The following DTX1 variants were observed in gnomAD, a reference collection of about 807,000 sequenced individuals.
DTX1 encodes E3 ubiquitin-protein ligase DTX1.
A neutral mutation model predicts 57.8 loss-of-function variants in DTX1; 26 were observed. The ratio of observed to expected loss-of-function variants is 0.45; its 90% CI spans 0.33 to 0.62. The LOEUF is 0.62. Ranked by LOEUF, DTX1 falls within the 20% of genes least tolerant of loss-of-function variation. The pLI, the probability that DTX1 is intolerant of heterozygous loss-of-function variation, is 0.02. For synonymous variants in DTX1, 398 were observed against 394.1 expected (o/e 1.01, Z -0.12); for missense variants, 704 against 895.3 (o/e 0.79, Z 2.73).
intron 3 of DTX1, among the ~76,000 whole-genome samples, chr12:113,085,246 C>T (rs879508362): frequency 6.6e-6 from 1 of 152,152 alleles, no homozygotes; most frequent in Non-Finnish European, 1.5e-5. Flanking sequence ...GGTGGGGTTT[C>T]ACCATGTTTG....
chr12:113,097,054 GC>G lies in DTX1; in HGVS notation c.*117del. ...GGCTGGGGAGGAGCCTGCGGAAGGG[GC>G]CGCAGCCATTCAGGGGACCTGCCTG... On this transcript the variant is annotated 3_prime_UTR_variant, in exon 10 of 10. Transcript: ENST00000548759. The G allele has an allele frequency of 8.3e-7, 1 of 1,202,526 alleles. No individual in the cohort carries two copies. The allele number at this position is 1,202,526 out of a possible 1,614,324, so 74.5% of individuals were successfully genotyped here.
At chr12:113,063,093 T>A in intron 2 of DTX1, among the ~76,000 whole-genome samples, 1 of 152,058 alleles carries the variant, frequency 6.6e-6, no homozygotes, top group Admixed American at 6.5e-5. Context: ...AAGTGCCCGG[T>A]TTCCCTCAAA....
At chr12:113,096,538 G>C (rs903315888) in intron 9 of DTX1, among the ~76,000 whole-genome samples, 177 bp from the exon 10 acceptor site, 3 of 152,034 alleles carry the variant, frequency 2.0e-5, no homozygotes, top group Non-Finnish European at 4.4e-5. Flanking sequence ...GCTTTTACTG[G>C]AAGTTCAGGA....
In DTX1 at chr12:113,093,606, C is replaced by T. The variant is rs759677695; in HGVS notation, c.1071C>T (p.Ile357=). Residue 357 remains isoleucine (I), a synonymous_variant, in exon 5 of 10, where the codon ATC becomes ATT. Transcript: ENST00000548759. The surrounding 1 kb of genome is among the most constrained non-coding windows in gnomAD (Gnocchi z 4.2). ...PVCLTRAPKP[I]LHPPPVSKSD... is the part of the protein sequence containing the mutation. Reference sequence around the variant, plus strand: ...GCCTGACGCGGGCCCCCAAGCCCATCCTGCACCCGCCGCCCGTGAGCAAGA... The same window carrying T: ...GCCTGACGCGGGCCCCCAAGCCCATTCTGCACCCGCCGCCCGTGAGCAAGA... 6.2e-7 allele frequency: 1 copy of T among 1,612,748 alleles called. No homozygotes were observed. Among genetic ancestry groups the T allele is most frequent in the Non-Finnish European group, 8.5e-7 (1 of 1,179,598 alleles).
Position 113,094,920 on chromosome 12 carries a change from C to A in DTX1, c.1359C>A (p.Leu453=). The change falls in exon 7 of 10, where the codon CTC becomes CTA. Residue 453 remains leucine, a synonymous_variant. Transcript: ENST00000548759. ...GCCACATGTACCACCTGCTGTGCCT[C>A]GTGGCCATGTACTCCAATGGCAACA... ...RCGHMYHLLC[L]VAMYSNGNKD... 1 of 1,613,606 alleles carries A rather than the reference C, an allele frequency of 6.2e-7. No homozygotes were observed. Among genetic ancestry groups the A allele is most frequent in the South Asian group, 1.1e-5 (1 of 91,058 alleles).
At position 113,079,870 on chromosome 12, in the gene DTX1, C is replaced by A. The variant is rs540017522; in HGVS notation, c.941+1765C>A. On this transcript the variant is annotated intron_variant, in intron 3 of 9. Coordinates refer to ENST00000548759, the MANE Select transcript of DTX1 (RefSeq NM_004416.3). ...CACCATGCCCGGCCCCCTTCTTGAC[C>A]ACTTCTGAGCTGGGAGACCTGGGAC... is the stretch of plus-strand genomic sequence containing the variant. 7.9e-5 allele frequency among the ~76,000 whole-genome samples: 12 copies of A among 152,200 alleles called. No individual in the cohort carries two copies. In the East Asian group the frequency reaches 2.1e-3, roughly 27 times the overall value.
At chr12:113,074,565 C>T (rs1181465241) in intron 2 of DTX1, among the ~76,000 whole-genome samples, 1 of 152,204 alleles carries the variant, frequency 6.6e-6, no homozygotes, top group East Asian at 1.9e-4. Context: ...TAGGTCATGG[C>T]AAGGACTTTG....
chr12:113,059,439 G>T (rs569162939), intron 2 of DTX1, among the ~76,000 whole-genome samples: 1 of 152,230 alleles, frequency 6.6e-6, no homozygotes, highest in East Asian at 1.9e-4. Flanking sequence ...TAATGATGGT[G>T]ATGTTGATGG....
intron 2 of DTX1, among the ~76,000 whole-genome samples, chr12:113,065,629 G>A (rs914101886): frequency 2.6e-5 from 4 of 152,232 alleles, no homozygotes; most frequent in Non-Finnish European, 5.9e-5. Context: ...GGAGATGGAA[G>A]CTGTGATGGG....
In DTX1 at chr12:113,095,093, G is replaced by T. The variant is rs1950278223; in HGVS notation, c.1438G>T (p.Gly480Cys). Reference sequence around the variant, plus strand: ...CAAGGCCATCTACGGGGAGAAGACGGGTACGCAGCCGCCTGGGAAGATGGA... The same window carrying T: ...CAAGGCCATCTACGGGGAGAAGACGTGTACGCAGCCGCCTGGGAAGATGGA... ...TCKAIYGEKT[G>C]TQPPGKMEFH... The change falls in exon 8 of 10, where the codon GGT becomes TGT. Residue 480 changes from glycine (G) to cysteine (C), a missense_variant. By Grantham distance (159) the Gly-to-Cys change is radical. Transcript: ENST00000548759. The T allele has an allele frequency of 6.2e-7, 1 of 1,613,696 alleles. No individual in the cohort carries two copies. The highest frequency in any genetic ancestry group is 8.5e-7 in the Non-Finnish European group (1 of 1,179,768).
At chr12:113,075,077 C>T (rs1315411235) in intron 2 of DTX1, among the ~76,000 whole-genome samples, 3 of 152,148 alleles carry the variant, frequency 2.0e-5, no homozygotes, top group Non-Finnish European at 4.4e-5. Flanking sequence ...AGAGTAGACA[C>T]GGTATTTATC....
At chr12:113,078,176 GC>G in intron 3 of DTX1, 71 bp downstream of exon 3, 1 of 1,155,930 alleles carries the variant, frequency 8.7e-7, no homozygotes, top group South Asian at 2.4e-5. Flanking sequence ...GGGGTGGTTG[GC>G]CACTAGGGCA....
chr12:113,061,192 CCT>C (rs1448352384), intron 2 of DTX1, among the ~76,000 whole-genome samples: 9 of 152,258 alleles, frequency 5.9e-5, no homozygotes, highest in Admixed American at 2.6e-4. Flanking sequence ...ACACCTGCCC[CCT>C]GTTTGCCGGA....
Position 113,077,652 on chromosome 12 carries a change from C to A in DTX1, c.488C>A (p.Thr163Lys). ...AGCATGTCGCAGATGAACCGCCAGA[C>A]GCGCCGGCGCCGCCGCCTGCGCCGC... ...FNSMSQMNRQ[T>K]RRRRRLRRRL... The change falls in exon 3 of 10, where the codon ACG becomes AAG. Residue 163 changes from threonine to lysine, a missense_variant. Physicochemically the swap from Thr to Lys is moderately conservative, Grantham distance 78. This residue lies in a region of DTX1 where 237 missense variants were observed against 328.6 expected (regional missense o/e 0.72). Coordinates refer to ENST00000548759, the MANE Select transcript of DTX1 (RefSeq NM_004416.3). The surrounding 1 kb of genome is among the most constrained non-coding windows in gnomAD (Gnocchi z 7.8). 6.3e-7 allele frequency: 1 copy of A among 1,592,656 alleles called. No homozygotes were observed. Among genetic ancestry groups the A allele is most frequent in the Non-Finnish European group, 8.5e-7 (1 of 1,172,196 alleles).
chr12:113,058,491 C>A (rs2044646146), intron 2 of DTX1, 40 bp downstream of exon 2: 1 of 1,564,332 alleles, frequency 6.4e-7, no homozygotes. Context: ...CCCCGCCGAG[C>A]CATCACTACC....
chr12:113,063,577 T>TA (rs2044680798), intron 2 of DTX1, among the ~76,000 whole-genome samples: 1 of 152,212 alleles, frequency 6.6e-6, no homozygotes, highest in East Asian at 1.9e-4. Flanking sequence ...GCTGATGGGA[T>TA]AGCTGAGGCC....
chr12:113,057,710 C>G lies in DTX1; in HGVS notation c.-483C>G, dbSNP rs1347716206. ...GGGAGGCGAGAAGCCCCACTGAAGCCGGGCGCAGGGTCTGGGACGCAGTTG... is the reference window on the plus strand; with the variant it reads ...GGGAGGCGAGAAGCCCCACTGAAGCGGGGCGCAGGGTCTGGGACGCAGTTG... On this transcript the variant is annotated 5_prime_UTR_variant, in exon 2 of 10. Coordinates refer to ENST00000548759, the MANE Select transcript of DTX1 (RefSeq NM_004416.3). The G allele has an allele frequency of 6.4e-6, 1 of 157,234 alleles. No individual in the cohort carries two copies. Among genetic ancestry groups the G allele is most frequent in the African/African-American group, 2.4e-5 (1 of 41,526 alleles). The allele number at this position is 157,234 out of a possible 1,614,324, so 9.7% of individuals were successfully genotyped here. A position where few individuals can be genotyped will look rare whatever the true frequency, so the allele number is the denominator to read the frequency against.
rs2044785476 is a variant in DTX1 at position 113,077,954 on chromosome 12, G to C, written c.790G>C (p.Ala264Pro). The C allele has an allele frequency of 3.0e-6, 3 of 1,013,340 alleles. No individual in the cohort carries two copies. The highest frequency in any genetic ancestry group is 3.5e-6 in the Non-Finnish European group (3 of 850,154). The allele number at this position is 1,013,340 out of a possible 1,614,324, so 62.8% of individuals were successfully genotyped here. A position where few individuals can be genotyped will look rare whatever the true frequency, so the allele number is the denominator to read the frequency against. Residue 264 changes from alanine (A) to proline (P), a missense_variant, in exon 3 of 10, where the codon GCC becomes CCC. Physicochemically the swap from Ala to Pro is conservative, Grantham distance 27. Around this residue, in one of 3 missense-constraint regions of DTX1, gnomAD observed 299 missense variants for 311.2 expected, o/e 0.96. Transcript: ENST00000548759. The surrounding 1 kb of genome is among the most constrained non-coding windows in gnomAD (Gnocchi z 7.8). ...CGCCGCGCTCTGGGCAGCGCCCGCC[G>C]CCGGCCCCGCCGAGCCCGCGCCGCC... ...TGAALWAAPA[A>P]GPAEPAPPPG... is the part of the protein sequence containing the mutation.
chr12:113,095,669 T>G (rs894931579), intron 9 of DTX1: 7 of 498,804 alleles, frequency 1.4e-5, no homozygotes, highest in Admixed American at 3.2e-5. Context: ...CACTTGACTG[T>G]GGTCACAGAG....
Sources: gnomAD v4.1 joint callset for allele counts (sites outside exome capture counted in the v4.1 genomes callset) on GRCh38, gnomAD v4.1.1 for gene constraint, gnomAD v4.1.1 regional missense constraint, Gnocchi (gnomAD v3.1) non-coding constraint, MANE v1.5 for transcripts, NCBI Gene and HGNC (gene_info 2026-07-23, HGNC 2026-07-21) for gene names.